Variants in HMGCLL1 observed in about 807,000 individuals in gnomAD.
The protein encoded by HMGCLL1 is 3-hydroxymethyl-3-methylglutaryl-CoA lyase, cytoplasmic.
In HMGCLL1, 36 loss-of-function variants were observed where a neutral mutation model predicts 39.1. The ratio of observed to expected loss-of-function variants is 0.92; its 90% CI spans 0.71 to 1.22. HMGCLL1 has a LOEUF of 1.22. HMGCLL1 is among the 50% of genes most tolerant of loss of function. The pLI is 0.00. For synonymous variants in HMGCLL1, 149 were observed against 144.0 expected (o/e 1.03, Z -0.25); for missense variants, 451 against 416.5 (o/e 1.08, Z -0.72).
chr6:55,489,501 A>C (rs1487770290), intron 7 of HMGCLL1, among the ~76,000 whole-genome samples: 1 of 152,018 alleles, frequency 6.6e-6, no homozygotes, highest in Non-Finnish European at 1.5e-5. Flanking sequence ...GACTGAGAAG[A>C]AACTAATAGT....
chr6:55,594,233 C>G, the HMGCLL1 span, among the ~76,000 whole-genome samples: 1 of 152,106 alleles, frequency 6.6e-6, no homozygotes, highest in Non-Finnish European at 1.5e-5. Context: ...ATTTATTTTT[C>G]TTCTTTCCTT....
intron 1 of HMGCLL1, among the ~76,000 whole-genome samples, chr6:55,562,810 T>C (rs1159257653): frequency 1.3e-5 from 2 of 152,006 alleles, no homozygotes; most frequent in East Asian, 1.9e-4. Flanking sequence ...TACCCAATTT[T>C]CAGTGGTTTC....
intron 1 of HMGCLL1, among the ~76,000 whole-genome samples, chr6:55,550,174 C>G (rs1226054969): frequency 3.3e-5 from 5 of 151,902 alleles, no homozygotes; most frequent in African/African-American, 1.2e-4. Flanking sequence ...TTACCATATC[C>G]TAGTGAAGTT....
chr6:55,502,018 T>A (rs2127428454), intron 5 of HMGCLL1, among the ~76,000 whole-genome samples: 2 of 151,978 alleles, frequency 1.3e-5, no homozygotes, highest in Middle Eastern at 3.4e-3. Context: ...TTTATTTTTT[T>A]CATCTTATTC....
upstream of HMGCLL1, among the ~76,000 whole-genome samples, chr6:55,582,878 T>G (rs1365691895): frequency 1.3e-5 from 2 of 152,164 alleles, no homozygotes; most frequent in African/African-American, 4.8e-5. Context: ...TATACATATA[T>G]GTATGTACAC....
intron 1 of HMGCLL1, among the ~76,000 whole-genome samples, chr6:55,577,724 TTAAA>T (rs1166798061): frequency 6.6e-6 from 1 of 152,136 alleles, no homozygotes; most frequent in Non-Finnish European, 1.5e-5. Context: ...TGGTTCCTGA[TTAAA>T]TAACAGACTG....
the HMGCLL1 span, among the ~76,000 whole-genome samples, chr6:55,647,067 T>A: frequency 6.6e-6 from 1 of 152,036 alleles, no homozygotes; most frequent in Admixed American, 6.6e-5. Flanking sequence ...CTGGGTTCTC[T>A]AGTGTTGGGT....
At chr6:55,650,126 TATATATATACAC>T in the HMGCLL1 span, among the ~76,000 whole-genome samples, 1 of 53,722 alleles carries the variant, frequency 1.9e-5, no homozygotes, top group Admixed American at 2.1e-4. Context: ...TATATATATA[TATATATATACAC>T]ACACACACAC....
At chr6:55,502,537 C>T (rs12111390) in intron 5 of HMGCLL1, among the ~76,000 whole-genome samples, 102,371 of 151,526 alleles carry the variant, frequency 0.68, 34,602 homozygotes, top group Non-Finnish European at 0.7. Context: ...TTCACTCTTA[C>T]AGTTTTCTCA....
At chr6:55,595,208 GA>G in the HMGCLL1 span, among the ~76,000 whole-genome samples, 1 of 152,172 alleles carries the variant, frequency 6.6e-6, no homozygotes, top group African/African-American at 2.4e-5. Flanking sequence ...ATCATTTTAT[GA>G]AGACTATGTA....
chr6:55,571,177 T>C (rs1234203524), intron 1 of HMGCLL1, among the ~76,000 whole-genome samples: 1 of 152,200 alleles, frequency 6.6e-6, no homozygotes. Context: ...CTTTATTGTG[T>C]TCATGATTAA....
the HMGCLL1 span, among the ~76,000 whole-genome samples, chr6:55,613,417 C>T: frequency 6.6e-6 from 1 of 152,026 alleles, no homozygotes; most frequent in South Asian, 2.1e-4. Flanking sequence ...CGAGAAATAC[C>T]ATATGACCCA....
chr6:55,598,675 T>C, the HMGCLL1 span, among the ~76,000 whole-genome samples: 1 of 152,176 alleles, frequency 6.6e-6, no homozygotes, highest in South Asian at 2.1e-4. Flanking sequence ...ATTTTTTGCA[T>C]GAGATATCAA....
chr6:55,524,489 C>A (rs1387640482), intron 3 of HMGCLL1, among the ~76,000 whole-genome samples: 1 of 140,936 alleles, frequency 7.1e-6, no homozygotes, highest in Non-Finnish European at 1.5e-5. Flanking sequence ...ACGGGATCCT[C>A]CAAATTGATG....
the HMGCLL1 span, among the ~76,000 whole-genome samples, chr6:55,596,179 T>A: frequency 6.6e-6 from 1 of 151,936 alleles, no homozygotes; most frequent in East Asian, 1.9e-4. Flanking sequence ...GTACAAAAAT[T>A]AGCCGGATGT....
intron 1 of HMGCLL1, among the ~76,000 whole-genome samples, chr6:55,555,219 A>G (rs966427892): frequency 1.3e-5 from 2 of 152,160 alleles, no homozygotes; most frequent in African/African-American, 4.8e-5. Flanking sequence ...TTTCTTGAAC[A>G]CCTGAGCATT....
intron 1 of HMGCLL1, chr6:55,577,053 A>G: frequency 6.2e-7 from 1 of 1,612,246 alleles, no homozygotes; most frequent in Non-Finnish European, 8.5e-7. Flanking sequence ...GAGTGTAGAT[A>G]GTGATGGGGC....
At chr6:55,641,463 C>T in the HMGCLL1 span, among the ~76,000 whole-genome samples, 124 of 151,676 alleles carry the variant, frequency 8.2e-4, no homozygotes, top group Non-Finnish European at 1.5e-3. Flanking sequence ...ATGTTATATA[C>T]GTGTGTGTGT....
the HMGCLL1 span, among the ~76,000 whole-genome samples, chr6:55,636,516 A>G: frequency 6.6e-6 from 1 of 152,154 alleles, no homozygotes; most frequent in South Asian, 2.1e-4. Context: ...CACAACCTAA[A>G]TCTTTTAAAT....
Sources: allele counts gnomAD v4.1 joint callset (sites outside exome capture counted in the v4.1 genomes callset), GRCh38; gene constraint gnomAD v4.1.1; transcripts MANE v1.5; gene names NCBI Gene and HGNC (gene_info 2026-07-23, HGNC 2026-07-21).